EPHA6: variants seen among roughly 807,000 people sequenced by gnomAD.
The protein encoded by EPHA6 is EPH receptor A6, also known as ephrin type-A receptor 6.
In EPHA6, 50 loss-of-function variants were observed where a neutral mutation model predicts 112.0. The observed-to-expected ratio is 0.45, with a 90% confidence interval of 0.36 to 0.56. EPHA6 has a LOEUF of 0.56. Ranked by LOEUF, EPHA6 falls within the 20% of genes least tolerant of loss-of-function variation. EPHA6 has a pLI of 0.00. For synonymous variants in EPHA6, 529 were observed against 490.7 expected (o/e 1.08, Z -1.03); for missense variants, 1,280 against 1,417.4 (o/e 0.90, Z 1.56).
intron 16 of EPHA6, among the ~76,000 whole-genome samples, chr3:97,747,167 A>G (rs530158529): frequency 6.6e-6 from 1 of 152,106 alleles, no homozygotes. Context: ...TAAAAAGAAA[A>G]AAAAGATCAA....
chr3:97,542,961 ATTTG>A (rs1291360964), intron 11 of EPHA6, among the ~76,000 whole-genome samples: 1 of 152,012 alleles, frequency 6.6e-6, no homozygotes, highest in Admixed American at 6.6e-5. Flanking sequence ...TTTCTTGTAA[ATTTG>A]TTTGAGTTCA....
At chr3:97,066,764 ATTG>A (rs999172341) in intron 3 of EPHA6, among the ~76,000 whole-genome samples, 2 of 152,034 alleles carry the variant, frequency 1.3e-5, no homozygotes, top group Non-Finnish European at 2.9e-5. Context: ...CATTTTTTTC[ATTG>A]TTGTTGTTTT....
intron 14 of EPHA6, among the ~76,000 whole-genome samples, chr3:97,674,371 C>T (rs555904897): frequency 6.6e-6 from 1 of 152,280 alleles, no homozygotes; most frequent in East Asian, 1.9e-4. Context: ...GTTTTATCCA[C>T]GTGAACATAT....
At chr3:97,281,135 G>A (rs1036962152) in intron 5 of EPHA6, among the ~76,000 whole-genome samples, 1 of 152,004 alleles carries the variant, frequency 6.6e-6, no homozygotes, top group Non-Finnish European at 1.5e-5. Flanking sequence ...AAAGGAAAAG[G>A]AGAAGAGTTT....
intron 2 of EPHA6, among the ~76,000 whole-genome samples, chr3:96,876,163 T>C (rs1212309381): frequency 1.4e-5 from 2 of 147,022 alleles, no homozygotes; most frequent in African/African-American, 5.0e-5. Context: ...GATGGGGAGG[T>C]CTTGCTATGT....
chr3:97,632,471 C>T (rs1293934649), intron 13 of EPHA6, among the ~76,000 whole-genome samples: 1 of 152,004 alleles, frequency 6.6e-6, no homozygotes. Flanking sequence ...GTTCTTCTCT[C>T]TATTGCTCTC....
intron 3 of EPHA6, among the ~76,000 whole-genome samples, chr3:97,185,053 C>CA (rs2077088184): frequency 6.6e-6 from 1 of 152,092 alleles, no homozygotes; most frequent in African/African-American, 2.4e-5. Flanking sequence ...ACACCTTATA[C>CA]AAAAATTAAT....
chr3:96,974,053 A>G (rs2042423277), intron 2 of EPHA6, among the ~76,000 whole-genome samples: 1 of 146,070 alleles, frequency 6.8e-6, no homozygotes, highest in South Asian at 2.1e-4. Flanking sequence ...AAATATATAT[A>G]ATAAAATTAT....
At chr3:97,128,449 ACT>A (rs1275882785) in intron 3 of EPHA6, among the ~76,000 whole-genome samples, 2 of 152,162 alleles carry the variant, frequency 1.3e-5, no homozygotes, top group Non-Finnish European at 2.9e-5. Flanking sequence ...GGATTATAAT[ACT>A]TGATATCTAG....
intron 5 of EPHA6, among the ~76,000 whole-genome samples, chr3:97,293,176 C>T (rs111661112): frequency 0.012 from 1,780 of 152,302 alleles, 23 homozygotes; most frequent in Non-Finnish European, 0.017. Context: ...AAGCGTCCAG[C>T]TCTCAGCAGA....
intron 3 of EPHA6, among the ~76,000 whole-genome samples, chr3:97,148,394 C>T (rs2076093076): frequency 6.6e-6 from 1 of 152,126 alleles, no homozygotes; most frequent in South Asian, 2.1e-4. Flanking sequence ...GATCATTAAG[C>T]CCGGGAATTC....
At chr3:97,635,847 G>A (rs1294426454) in intron 13 of EPHA6, among the ~76,000 whole-genome samples, 2 of 152,060 alleles carry the variant, frequency 1.3e-5, no homozygotes, top group East Asian at 3.9e-4. Context: ...TTGGTGCTTT[G>A]TGACACACTC....
intron 3 of EPHA6, among the ~76,000 whole-genome samples, chr3:97,150,219 G>T (rs903250389): frequency 1.3e-5 from 2 of 152,100 alleles, no homozygotes; most frequent in African/African-American, 4.8e-5. Context: ...GATTATTTGA[G>T]AGGAATTTTC....
chr3:97,340,943 C>T (rs75816909), intron 5 of EPHA6, among the ~76,000 whole-genome samples: 3,068 of 152,216 alleles, frequency 0.02, 99 homozygotes, highest in African/African-American at 0.069. Flanking sequence ...GGGCTGGGGG[C>T]ACAACTCAAT....
intron 3 of EPHA6, among the ~76,000 whole-genome samples, chr3:97,218,958 T>C (rs2078112578): frequency 6.6e-6 from 1 of 152,044 alleles, no homozygotes; most frequent in African/African-American, 2.4e-5. Flanking sequence ...ACAAAAGGGC[T>C]CCAGGCCTCC....
At chr3:96,985,765 A>C (rs570876155) in intron 2 of EPHA6, among the ~76,000 whole-genome samples, 3 of 152,272 alleles carry the variant, frequency 2.0e-5, no homozygotes, top group East Asian at 3.9e-4. Context: ...ATTATTCTGG[A>C]AATTTACTGT....
intron 5 of EPHA6, among the ~76,000 whole-genome samples, chr3:97,305,849 G>A (rs759484739): frequency 6.6e-6 from 1 of 151,794 alleles, no homozygotes; most frequent in Non-Finnish European, 1.5e-5. Flanking sequence ...TGCACGTCCT[G>A]CACATGTATC....
intron 12 of EPHA6, among the ~76,000 whole-genome samples, chr3:97,604,712 A>T (rs1164091852): frequency 6.6e-6 from 1 of 151,690 alleles, no homozygotes; most frequent in East Asian, 1.9e-4. Context: ...AAGAGCTAAA[A>T]TAACTTCCCT....
At chr3:96,843,712 G>T (rs2034892269) in intron 1 of EPHA6, among the ~76,000 whole-genome samples, 1 of 151,978 alleles carries the variant, frequency 6.6e-6, no homozygotes. Flanking sequence ...TTGGCAGCCA[G>T]CCAAAAATGA....
Sources: allele counts gnomAD v4.1 joint callset (sites outside exome capture counted in the v4.1 genomes callset), GRCh38; gene constraint gnomAD v4.1.1; transcripts MANE v1.5; gene names NCBI Gene and HGNC (gene_info 2026-07-23, HGNC 2026-07-21).